TAS2R1: variants seen among roughly 807,000 people sequenced by gnomAD.
TAS2R1 encodes the protein taste receptor type 2 member 1.
For synonymous variants in TAS2R1, 141 were observed against 134.2 expected (o/e 1.05, Z -0.35); for missense variants, 370 against 353.4 (o/e 1.05, Z -0.38).
chr5:9,635,540 A>C (rs1433735272), intron 2 of TAS2R1, among the ~76,000 whole-genome samples: 1 of 151,254 alleles, frequency 6.6e-6, no homozygotes, highest in South Asian at 2.1e-4. Context: ...TCTTCTTTGA[A>C]TGTCTGATAG....
the TAS2R1 span, among the ~76,000 whole-genome samples, chr5:9,726,450 C>T: frequency 8.9e-4 from 136 of 152,270 alleles, no homozygotes; most frequent in Middle Eastern, 0.01. Context: ...GCAACCCGCT[C>T]GGGTCCCCTT....
At chr5:9,644,816 C>A (rs144208944) in intron 2 of TAS2R1, among the ~76,000 whole-genome samples, 1 of 152,038 alleles carries the variant, frequency 6.6e-6, no homozygotes, top group Non-Finnish European at 1.5e-5. Context: ...GATGCCCTGA[C>A]GAGAGCAGAG....
chr5:9,800,847 A>G, the TAS2R1 span, among the ~76,000 whole-genome samples: 2 of 152,224 alleles, frequency 1.3e-5, no homozygotes, highest in Non-Finnish European at 2.9e-5. Context: ...AGATAATTAC[A>G]TTTAAATAAG....
chr5:9,786,301 A>C, the TAS2R1 span, among the ~76,000 whole-genome samples: 1 of 152,208 alleles, frequency 6.6e-6, no homozygotes, highest in Non-Finnish European at 1.5e-5. Context: ...AAAGATGTTT[A>C]GGAGTATTTG....
chr5:9,741,258 G>C, the TAS2R1 span, among the ~76,000 whole-genome samples: 1 of 152,090 alleles, frequency 6.6e-6, no homozygotes, highest in Non-Finnish European at 1.5e-5. Context: ...CCAGAGATCC[G>C]CTATTTAATC....
At chr5:9,644,741 G>T (rs1451703715) in intron 2 of TAS2R1, among the ~76,000 whole-genome samples, 2 of 152,142 alleles carry the variant, frequency 1.3e-5, no homozygotes, top group Middle Eastern at 3.2e-3. Flanking sequence ...CTGTAAATAA[G>T]AAACCACATT....
the TAS2R1 span, among the ~76,000 whole-genome samples, chr5:9,815,055 G>C: frequency 6.6e-6 from 1 of 152,212 alleles, no homozygotes; most frequent in South Asian, 2.1e-4. Flanking sequence ...ATGAAATGCT[G>C]TTTAATTTAT....
At chr5:9,882,659 TAGTC>T in the TAS2R1 span, among the ~76,000 whole-genome samples, 1 of 151,914 alleles carries the variant, frequency 6.6e-6, no homozygotes, top group South Asian at 2.1e-4. Context: ...AATAAATAAA[TAGTC>T]AAGAAACAAC....
At chr5:9,667,436 C>T (rs1261762392) in intron 1 of TAS2R1, among the ~76,000 whole-genome samples, 1 of 152,192 alleles carries the variant, frequency 6.6e-6, no homozygotes, top group African/African-American at 2.4e-5. Flanking sequence ...TTCTTGTAGC[C>T]AGATGGGCCA....
the TAS2R1 span, among the ~76,000 whole-genome samples, chr5:9,753,473 A>G: frequency 6.6e-6 from 1 of 152,136 alleles, no homozygotes; most frequent in Non-Finnish European, 1.5e-5. Flanking sequence ...GTAGATTGCA[A>G]AAATTTTCTC....
At chr5:9,710,912 GATTATATATATTATATATATAATAT>G (rs1002949504) in intron 1 of TAS2R1, among the ~76,000 whole-genome samples, 2 of 141,826 alleles carry the variant, frequency 1.4e-5, no homozygotes, top group Non-Finnish European at 3.0e-5. Context: ...TATATAACCA[GATTATATATATTATATATATAATAT>G]ATTATATATA....
At chr5:9,745,204 A>G in the TAS2R1 span, among the ~76,000 whole-genome samples, 1 of 152,178 alleles carries the variant, frequency 6.6e-6, no homozygotes, top group East Asian at 1.9e-4. Flanking sequence ...GTTAGGAGGT[A>G]ATATTGACAG....
chr5:9,765,810 A>G, the TAS2R1 span: 3 of 152,244 alleles, frequency 2.0e-5, no homozygotes, highest in African/African-American at 7.2e-5. Context: ...TGCCCCTGGA[A>G]TAACTTTAGA....
chr5:9,743,508 G>T, the TAS2R1 span, among the ~76,000 whole-genome samples: 1 of 152,010 alleles, frequency 6.6e-6, no homozygotes, highest in Non-Finnish European at 1.5e-5. Flanking sequence ...ATTTCTGGAT[G>T]GAAACAGTTT....
At chr5:9,743,895 A>G in the TAS2R1 span, among the ~76,000 whole-genome samples, 1 of 152,238 alleles carries the variant, frequency 6.6e-6, no homozygotes, top group African/African-American at 2.4e-5. Flanking sequence ...GTGTATTTTT[A>G]TGTTTAGGAC....
the TAS2R1 span, among the ~76,000 whole-genome samples, chr5:9,798,758 G>A: frequency 6.6e-6 from 1 of 152,214 alleles, no homozygotes; most frequent in Non-Finnish European, 1.5e-5. Context: ...GGTTTACAGA[G>A]AATGAACTGA....
the TAS2R1 span, among the ~76,000 whole-genome samples, chr5:9,763,261 T>C: frequency 6.6e-6 from 1 of 152,130 alleles, no homozygotes; most frequent in Non-Finnish European, 1.5e-5. Flanking sequence ...TCCCAACACT[T>C]TGGGAGGCCG....
At chr5:9,645,012 T>C (rs1740159848) in intron 2 of TAS2R1, among the ~76,000 whole-genome samples, 1 of 152,224 alleles carries the variant, frequency 6.6e-6, no homozygotes, top group African/African-American at 2.4e-5. Flanking sequence ...ATCTATGTTA[T>C]GCTGGATTTA....
At chr5:9,901,124 A>G in the TAS2R1 span, among the ~76,000 whole-genome samples, 1 of 150,514 alleles carries the variant, frequency 6.6e-6, no homozygotes, top group Non-Finnish European at 1.5e-5. Flanking sequence ...AGAAGACCAC[A>G]GAGAAGGGTA....
Sources: allele counts gnomAD v4.1 joint callset (sites outside exome capture counted in the v4.1 genomes callset), GRCh38; gene constraint gnomAD v4.1.1; transcripts MANE v1.5; gene names NCBI Gene and HGNC (gene_info 2026-07-23, HGNC 2026-07-21).